HIVEP3: variants seen among roughly 807,000 people sequenced by gnomAD.
HIVEP3 encodes the protein HIVEP zinc finger 3, also known as transcription factor HIVEP3.
Under a neutral mutation model 152.8 loss-of-function variants are expected in HIVEP3, and 49 were observed. The observed-to-expected ratio is 0.32, with a 90% CI of 0.26 to 0.41. The LOEUF (loss-of-function observed/expected upper bound fraction) is 0.41, where lower values mean the gene tolerates loss of function less well. Among genes scored for constraint, HIVEP3 ranks in the 10% least tolerant of loss-of-function variants. The pLI is 1.00. For missense variants in HIVEP3, 2,790 were observed against 3,103.3 expected (o/e 0.90, Z 2.40); for synonymous variants, 1,269 against 1,289.0 (o/e 0.98, Z 0.33).
At chr1:41,597,951 G>A (rs1021567891) in intron 3 of HIVEP3, among the ~76,000 whole-genome samples, 1 of 152,176 alleles carries the variant, frequency 6.6e-6, no homozygotes, top group Non-Finnish European at 1.5e-5. Flanking sequence ...AATGTACATA[G>A]CTAGCTATCC....
At chr1:41,865,112 C>A (rs1476496944) in intron 1 of HIVEP3, among the ~76,000 whole-genome samples, 1 of 152,200 alleles carries the variant, frequency 6.6e-6, no homozygotes, top group Non-Finnish European at 1.5e-5. Context: ...TCAATGTAGA[C>A]ACTTGGATCT....
At chr1:41,792,128 G>A (rs1021422906) in intron 1 of HIVEP3, among the ~76,000 whole-genome samples, 1 of 152,130 alleles carries the variant, frequency 6.6e-6, no homozygotes, top group African/African-American at 2.4e-5. Context: ...TACCTCCGAG[G>A]TCCTGAGTTG....
chr1:41,530,466 A>C lies in HIVEP3; in HGVS notation c.5208-5556T>G, dbSNP rs974253249. Among the ~76,000 whole-genome samples the C allele has an allele frequency of 7.2e-5, 11 of 152,322 alleles. No homozygotes were observed. In the East Asian group the frequency reaches 2.1e-3, roughly 29 times the overall value. On this transcript the variant is annotated intron_variant, in intron 5 of 8. Coordinates refer to ENST00000372583, the MANE Select transcript of HIVEP3 (RefSeq NM_024503.5). Reference sequence around the variant, plus strand: ...TCCATGCCCCTGGGACCTGGTGGCCAGGGAAGATGGCTGAGATGGGGCCCC... The same window carrying C: ...TCCATGCCCCTGGGACCTGGTGGCCCGGGAAGATGGCTGAGATGGGGCCCC...
At chr1:41,523,447 C>T (rs1642817721) in intron 6 of HIVEP3, among the ~76,000 whole-genome samples, 3 of 152,064 alleles carry the variant, frequency 2.0e-5, no homozygotes, top group Non-Finnish European at 4.4e-5. Context: ...TTGAGCTCAA[C>T]TTGCAGATGA....
intron 2 of HIVEP3, among the ~76,000 whole-genome samples, chr1:41,677,782 G>A (rs1025856298): frequency 1.2e-4 from 19 of 152,174 alleles, no homozygotes; most frequent in African/African-American, 3.9e-4. Flanking sequence ...CCCGCACATC[G>A]GGCGGTCAGG....
chr1:41,526,904 C>T (rs1277454845), intron 5 of HIVEP3, among the ~76,000 whole-genome samples: 1 of 146,086 alleles, frequency 6.8e-6, no homozygotes, highest in Non-Finnish European at 1.5e-5. Context: ...CTAAAACATG[C>T]TCATATCTCC....
rs79113472 is a variant in HIVEP3 at position 41,933,912 on chromosome 1, G to A, written n.120-15388C>T. Among the ~76,000 whole-genome samples the A allele has an allele frequency of 7.7e-3, 1,172 of 152,142 alleles. 24 individuals carry two copies. Among genetic ancestry groups the A allele is most frequent in the East Asian group, 0.057 (295 of 5,184 alleles). ...CCTGCTTCACTTCTGAATCCAGAAT[G>A]TATATCCATCCTTTCCCTAGGTGTT... On this transcript the variant is annotated intron_variant and non_coding_transcript_variant, in intron 1 of 3. Coordinates refer to the HIVEP3 transcript ENST00000489103.
At chr1:42,019,487 T>C (rs1645541858) in intron 1 of HIVEP3, among the ~76,000 whole-genome samples, 2 of 151,536 alleles carry the variant, frequency 1.3e-5, no homozygotes, top group Non-Finnish European at 3.0e-5. Flanking sequence ...ATTCGGTGTT[T>C]TCTGAGGCTA....
chr1:41,993,686 A>C (rs348129), intron 1 of HIVEP3, among the ~76,000 whole-genome samples: 8,551 of 151,666 alleles, frequency 0.056, 793 homozygotes, highest in African/African-American at 0.19. Flanking sequence ...TGCTGCTATA[A>C]AGACACATGC....
At chr1:41,888,202 A>ATTTTTTTTTTTTTTTT (rs61561436) in intron 1 of HIVEP3, among the ~76,000 whole-genome samples, 1 of 99,202 alleles carries the variant, frequency 1.0e-5, no homozygotes, top group African/African-American at 4.2e-5. Context: ...CGCCCGGCTA[A>ATTTTTTTTTTTTTTTT]TTTTTTTTTT....
At chr1:41,939,855 C>T (rs1645037129) in intron 1 of HIVEP3, among the ~76,000 whole-genome samples, 1 of 152,036 alleles carries the variant, frequency 6.6e-6, no homozygotes, top group Admixed American at 6.5e-5. Flanking sequence ...ATATGTCTTC[C>T]CTCTCCAAAT....
intron 1 of HIVEP3, among the ~76,000 whole-genome samples, chr1:42,022,839 T>C (rs1645562205): frequency 6.6e-6 from 1 of 152,210 alleles, no homozygotes; most frequent in Non-Finnish European, 1.5e-5. Flanking sequence ...TCTTGGGTGC[T>C]GCAGCTTTGA....
chr1:41,581,582 TG>T lies in HIVEP3; in HGVS notation c.3215del (p.Pro1072HisfsTer312). 6.2e-7 allele frequency: 1 copy of T among 1,613,184 alleles called. No homozygotes were observed. The highest frequency in any genetic ancestry group is 8.5e-7 in the Non-Finnish European group (1 of 1,179,644). ...CAGAGGGTTTACTGGATGAGGGCTGTGGTTCTTCGCTCTCCTGTCTTCCCTT... is the reference window on the plus strand; with the variant it reads ...CAGAGGGTTTACTGGATGAGGGCTGTGTTCTTCGCTCTCCTGTCTTCCCTT... ...APKGRQESEE[P>X]QPSSSKPSAK... On this transcript the variant is annotated frameshift_variant, in exon 4 of 9. Coordinates refer to ENST00000372583, the MANE Select transcript of HIVEP3 (RefSeq NM_024503.5). LOFTEE classifies it high-confidence loss of function. The surrounding 1 kb of genome is among the most constrained non-coding windows in gnomAD (Gnocchi z 4.5).
chr1:41,621,150 A>G (rs1645041578), intron 3 of HIVEP3, among the ~76,000 whole-genome samples: 1 of 152,196 alleles, frequency 6.6e-6, no homozygotes, highest in Non-Finnish European at 1.5e-5. Flanking sequence ...TACAGGTGAC[A>G]CCAGTCTGAA....
At chr1:41,586,904 G>T (rs890813798) in intron 3 of HIVEP3, among the ~76,000 whole-genome samples, 1 of 151,940 alleles carries the variant, frequency 6.6e-6, no homozygotes, top group Non-Finnish European at 1.5e-5. Context: ...TCATAAATAA[G>T]AATAACAAAT....
chr1:41,655,786 T>C (rs186840025), intron 2 of HIVEP3, among the ~76,000 whole-genome samples: 4 of 152,030 alleles, frequency 2.6e-5, no homozygotes, highest in South Asian at 2.1e-4. Context: ...AGAGCCCCAG[T>C]TGTGGTCTGT....
intron 1 of HIVEP3, among the ~76,000 whole-genome samples, chr1:41,747,672 T>C (rs1647094086): frequency 1.3e-5 from 2 of 152,242 alleles, no homozygotes; most frequent in South Asian, 4.1e-4. Context: ...ATTGATATAT[T>C]ATCTGTATCT....
At chr1:41,930,510 C>T (rs1044128543) in intron 1 of HIVEP3, among the ~76,000 whole-genome samples, 9 of 152,188 alleles carry the variant, frequency 5.9e-5, no homozygotes, top group South Asian at 2.1e-4. Context: ...CACTTCTGTT[C>T]GCCTGTTGAA....
At chr1:41,525,820 G>A (rs1185410340) in intron 5 of HIVEP3, among the ~76,000 whole-genome samples, 1 of 152,202 alleles carries the variant, frequency 6.6e-6, no homozygotes, top group East Asian at 1.9e-4. Flanking sequence ...TGCTATACAT[G>A]TGCAAGTCTC....
Sources: allele counts gnomAD v4.1 joint callset (sites outside exome capture counted in the v4.1 genomes callset), GRCh38; gene constraint gnomAD v4.1.1; non-coding constraint Gnocchi (gnomAD v3.1); transcripts MANE v1.5; gene names NCBI Gene and HGNC (gene_info 2026-07-23, HGNC 2026-07-21).